Variants in JMJD1C observed in about 807,000 individuals in gnomAD.
JMJD1C encodes the protein jumonji domain-containing protein 1C.
A neutral mutation model predicts 245.3 loss-of-function variants in JMJD1C; 31 were observed. That is an observed-to-expected ratio of 0.13 (90% confidence interval 0.09 to 0.17). The LOEUF (loss-of-function observed/expected upper bound fraction) is 0.17. Among genes scored for constraint, JMJD1C ranks in the 10% least tolerant of loss-of-function variants. The pLI, the probability that JMJD1C is intolerant of heterozygous loss-of-function variation, is 1.00. For missense variants in JMJD1C, 2,691 were observed against 3,000.2 expected (o/e 0.90, Z 2.41); for synonymous variants, 1,057 against 1,017.4 (o/e 1.04, Z -0.74).
chr10:63,218,168 T>C (rs1848204732), intron 4 of JMJD1C, among the ~76,000 whole-genome samples: 1 of 152,122 alleles, frequency 6.6e-6, no homozygotes. Flanking sequence ...TAAGTATTGT[T>C]AGCCCTTTTA....
At chr10:63,505,529 CA>C (rs1389505033) in intron 1 of JMJD1C, among the ~76,000 whole-genome samples, 1 of 151,928 alleles carries the variant, frequency 6.6e-6, no homozygotes, top group Non-Finnish European at 1.5e-5. Flanking sequence ...CAGAAGTTCA[CA>C]ACTTTAGAGT....
At position 63,167,463 on chromosome 10, in the gene JMJD1C, T is replaced by C. The variant is rs919625300; in HGVS notation, c.*582A>G. ...ATAAATTACACCTTTTGAAAATGTT[T>C]AATTGTACAGTCAATAGCTTCAACA... On this transcript the variant is annotated 3_prime_UTR_variant, in exon 26 of 26. Coordinates refer to ENST00000399262, the MANE Select transcript of JMJD1C (RefSeq NM_032776.3). 1 of 152,648 alleles carries C rather than the reference T, an allele frequency of 6.6e-6. No homozygotes were observed. Among genetic ancestry groups the C allele is most frequent in the African/African-American group, 2.4e-5 (1 of 41,456 alleles). 9.5% of individuals were successfully genotyped at this position (152,648 alleles called of 1,614,324 possible). A position where few individuals can be genotyped will look rare whatever the true frequency, so the allele number is the denominator to read the frequency against.
intron 3 of JMJD1C, among the ~76,000 whole-genome samples, chr10:63,262,330 GATTT>G (rs1403018509): frequency 2.0e-5 from 3 of 151,808 alleles, no homozygotes; most frequent in Admixed American, 6.6e-5. Context: ...TATTTCATAA[GATTT>G]ATTTAAATAA....
At chr10:63,169,505 GA>G (rs1589034896) in intron 24 of JMJD1C, among the ~76,000 whole-genome samples, 2 of 152,198 alleles carry the variant, frequency 1.3e-5, no homozygotes, top group East Asian at 3.9e-4. Context: ...GGAGTGAGAT[GA>G]AAGAGATAGT....
At chr10:63,505,624 T>A (rs954590518) in intron 1 of JMJD1C, among the ~76,000 whole-genome samples, 1 of 152,056 alleles carries the variant, frequency 6.6e-6, no homozygotes, top group African/African-American at 2.4e-5. Flanking sequence ...TACTGGGTCC[T>A]ACCCAGAGAT....
chr10:63,204,959 A>G (rs1010638441), intron 10 of JMJD1C: 7 of 985,076 alleles, frequency 7.1e-6, no homozygotes, highest in Admixed American at 1.2e-4. Flanking sequence ...ATTGTCACAG[A>G]TATTTCATAT....
At chr10:63,334,954 C>A (rs1279154937) in intron 2 of JMJD1C, among the ~76,000 whole-genome samples, 2 of 151,066 alleles carry the variant, frequency 1.3e-5, no homozygotes, top group Non-Finnish European at 2.9e-5. Context: ...GTGATCCTCC[C>A]GCCTCTGCCT....
At chr10:63,357,826 G>GACACACAC (rs35073293) in intron 2 of JMJD1C, among the ~76,000 whole-genome samples, 12,704 of 140,332 alleles carry the variant, frequency 0.091, 784 homozygotes, top group Admixed American at 0.2. Context: ...CAGACAGACA[G>GACACACAC]ACACACACAC....
intron 1 of JMJD1C, among the ~76,000 whole-genome samples, chr10:63,451,190 T>C (rs1366117824): frequency 6.6e-6 from 1 of 152,202 alleles, no homozygotes; most frequent in Admixed American, 6.5e-5. Context: ...GATATTAAGA[T>C]ATCAGCACTA....
Position 63,168,406 on chromosome 10 carries a change from G to A in JMJD1C, c.7533+29C>T, listed in dbSNP as rs140275881. ...TATTTCTGAATATAAAAAGCCTGAA[G>A]AACAGGACCTAGAACACCCAACTCT... On this transcript the variant is annotated intron_variant, in intron 25 of 25. Coordinates refer to ENST00000399262, the MANE Select transcript of JMJD1C (RefSeq NM_032776.3). 6.0e-4 allele frequency: 942 copies of A among 1,578,466 alleles called. 6 individuals carry two copies. The African/African-American group carries it at 0.012, about 20-fold the overall frequency.
chr10:63,507,712 T>C lies in JMJD1C; in HGVS notation n.113+14026A>G, dbSNP rs150292787. 6.0e-5 allele frequency among the ~76,000 whole-genome samples: 9 copies of C among 150,990 alleles called. 2 individuals are homozygous for C. In the East Asian group the frequency reaches 1.6e-3, roughly 26 times the overall value. ...CCCACCAGCAATGGATGAGTTCCTA[T>C]TGTTTCATATGCTAGTCAGCATTTT... On this transcript the variant is annotated intron_variant and non_coding_transcript_variant, in intron 1 of 3. Coordinates refer to the JMJD1C transcript ENST00000633035.
chr10:63,410,914 C>T (rs1949437570), intron 1 of JMJD1C, among the ~76,000 whole-genome samples: 2 of 152,156 alleles, frequency 1.3e-5, no homozygotes, highest in Admixed American at 6.5e-5. Flanking sequence ...AACTACTTTT[C>T]ACTGTTGAAA....
chr10:63,312,951 CT>C (rs34990207), intron 2 of JMJD1C, among the ~76,000 whole-genome samples: 2 of 151,746 alleles, frequency 1.3e-5, no homozygotes, highest in African/African-American at 4.8e-5. Context: ...TTTCTTAAAA[CT>C]TTTTTTTTCC....
intron 2 of JMJD1C, among the ~76,000 whole-genome samples, chr10:63,370,816 C>G (rs1946253618): frequency 6.6e-6 from 1 of 152,108 alleles, no homozygotes; most frequent in Non-Finnish European, 1.5e-5. Context: ...ACTAAAATAA[C>G]TCATTTGAAG....
chr10:63,483,079 T>A lies in JMJD1C; in HGVS notation n.113+38659A>T, dbSNP rs150673337. Among the ~76,000 whole-genome samples the A allele has an allele frequency of 5.9e-3, 896 of 152,284 alleles. 7 individuals are homozygous for A. Among genetic ancestry groups the A allele is most frequent in the East Asian group, 0.025 (131 of 5,180 alleles). On this transcript the variant is annotated intron_variant and non_coding_transcript_variant, in intron 1 of 3. Transcript: ENST00000633035. ...CTCATCTCAAATTATAACTATAAAA[T>A]CTAATGTAAAGTAACTATATGTCAA...
At chr10:63,459,900 G>C (rs530615637) in intron 1 of JMJD1C, among the ~76,000 whole-genome samples, 1 of 152,098 alleles carries the variant, frequency 6.6e-6, no homozygotes, top group Admixed American at 6.6e-5. Context: ...GAAAAAGTTT[G>C]GTCAGTCACA....
chr10:63,513,650 T>C (rs1264701112), intron 1 of JMJD1C, among the ~76,000 whole-genome samples: 3 of 152,132 alleles, frequency 2.0e-5, no homozygotes, highest in Non-Finnish European at 4.4e-5. Context: ...CGGTGGCTCA[T>C]GCCTGTAATC....
chr10:63,308,617 A>C (rs913343439), intron 2 of JMJD1C, among the ~76,000 whole-genome samples: 1 of 151,634 alleles, frequency 6.6e-6, no homozygotes, highest in African/African-American at 2.4e-5. Context: ...AGGAAAAAAA[A>C]AAAAACAGTT....
intron 2 of JMJD1C, among the ~76,000 whole-genome samples, chr10:63,280,433 C>G (rs2133881848): frequency 6.6e-6 from 1 of 152,074 alleles, no homozygotes; most frequent in East Asian, 1.9e-4. Context: ...ACCTGTAGTC[C>G]CAGTTACTCG....
Sources: gnomAD v4.1 joint callset for allele counts (sites outside exome capture counted in the v4.1 genomes callset) on GRCh38, gnomAD v4.1.1 for gene constraint, MANE v1.5 for transcripts, NCBI Gene and HGNC (gene_info 2026-07-23, HGNC 2026-07-21) for gene names.